The following SH3KBP1 variants were observed in gnomAD, a reference collection of about 807,000 sequenced individuals.
SH3KBP1 encodes SH3 domain containing kinase binding protein 1.
In SH3KBP1, 8 loss-of-function variants were observed where a neutral mutation model predicts 50.1. The ratio of observed to expected loss-of-function variants is 0.16; its 90% CI spans 0.09 to 0.29. SH3KBP1 has a LOEUF of 0.29. Ranked by LOEUF, SH3KBP1 falls within the 10% of genes least tolerant of loss-of-function variation. The pLI is 1.00. For synonymous variants in SH3KBP1, 227 were observed against 218.6 expected (o/e 1.04, Z -0.34); for missense variants, 377 against 535.2 (o/e 0.70, Z 2.92).
intron 5 of SH3KBP1, 121 bp downstream of exon 5, chrX:19,695,491 A>G (rs1038578271): frequency 6.4e-6 from 6 of 941,649 alleles, no homozygotes; most frequent in Non-Finnish European, 8.8e-6. Flanking sequence ...AGTATAACCA[A>G]AAAAATACTC....
chrX:19,565,884 G>A (rs1004927853), intron 13 of SH3KBP1, among the ~76,000 whole-genome samples: 7 of 110,424 alleles, frequency 6.3e-5, no homozygotes, highest in Middle Eastern at 4.3e-3. Flanking sequence ...ACACCCTAAG[G>A]GGACGTTTTA....
At chrX:19,581,759 A>T (rs755246956) in intron 12 of SH3KBP1, among the ~76,000 whole-genome samples, 1 of 109,060 alleles carries the variant, frequency 9.2e-6, no homozygotes. Flanking sequence ...ATGTTTACTT[A>T]ATCTTTGCCT....
intron 9 of SH3KBP1, among the ~76,000 whole-genome samples, chrX:19,596,439 T>TGCCTC (rs1235221115): frequency 1.8e-5 from 2 of 112,149 alleles, no homozygotes; most frequent in African/African-American, 6.5e-5. Flanking sequence ...GGGAGGGTCT[T>TGCCTC]GCCTCAATGT....
chrX:19,573,459 G>A (rs2066105706), intron 12 of SH3KBP1, among the ~76,000 whole-genome samples: 2 of 105,283 alleles, frequency 1.9e-5, no homozygotes. Context: ...GCTAATTTTT[G>A]TATTTTTAGT....
intron 1 of SH3KBP1, among the ~76,000 whole-genome samples, chrX:19,839,336 A>C (rs1237831427): frequency 9.3e-6 from 1 of 107,893 alleles, no homozygotes; most frequent in Non-Finnish European, 1.9e-5. Context: ...AAAAAAAAAC[A>C]AAATTTTTTT....
intron 1 of SH3KBP1, among the ~76,000 whole-genome samples, chrX:19,857,340 C>T (rs1363352718): frequency 9.0e-6 from 1 of 110,533 alleles, no homozygotes. Flanking sequence ...GGCAGGAACA[C>T]ACTAGTTAGA....
chrX:19,676,667 G>A (rs865867477), intron 6 of SH3KBP1, among the ~76,000 whole-genome samples: 27 of 111,510 alleles, frequency 2.4e-4, no homozygotes, highest in Admixed American at 2.3e-3. Context: ...CCTGAGATAC[G>A]TATGAAAATA....
At chrX:19,883,388 C>T (rs1030294197) in intron 1 of SH3KBP1, among the ~76,000 whole-genome samples, 2 of 112,700 alleles carry the variant, frequency 1.8e-5, no homozygotes, top group Non-Finnish European at 3.8e-5. Flanking sequence ...TGCTCTTTCT[C>T]TGTCACTCTC....
At chrX:19,585,061 G>A (rs956251480) in intron 12 of SH3KBP1, among the ~76,000 whole-genome samples, 1 of 112,180 alleles carries the variant, frequency 8.9e-6, no homozygotes, top group Non-Finnish European at 1.9e-5. Flanking sequence ...CCAATATACA[G>A]GTTGGTTGTT....
At chrX:19,817,744 C>T (rs760711961) in intron 2 of SH3KBP1, among the ~76,000 whole-genome samples, 1 of 111,467 alleles carries the variant, frequency 9.0e-6, no homozygotes, top group Non-Finnish European at 1.9e-5. Flanking sequence ...AAGCGATTAT[C>T]GTGCCTCAGC....
chrX:19,647,960 C>G (rs953359634), intron 6 of SH3KBP1: 8 of 358,412 alleles, frequency 2.2e-5, no homozygotes, highest in Admixed American at 5.3e-5. Flanking sequence ...GGGAGGGAGT[C>G]CATTAGTATT....
intron 1 of SH3KBP1, among the ~76,000 whole-genome samples, chrX:19,853,733 C>A (rs1218157260): frequency 9.0e-6 from 1 of 111,059 alleles, no homozygotes; most frequent in African/African-American, 3.3e-5. Context: ...GAGGCCAAGG[C>A]GGGCAGCTCA....
intron 12 of SH3KBP1, among the ~76,000 whole-genome samples, chrX:19,578,409 C>T (rs747942545): frequency 8.9e-6 from 1 of 111,840 alleles, no homozygotes; most frequent in Non-Finnish European, 1.9e-5. Context: ...TCCCTTCCTG[C>T]TCTCCTGGCT....
At chrX:19,548,599 T>C (rs922132049) in intron 14 of SH3KBP1, among the ~76,000 whole-genome samples, 3 of 111,063 alleles carry the variant, frequency 2.7e-5, no homozygotes, top group African/African-American at 9.8e-5. Context: ...AGAGGAAAAA[T>C]AGGATGACTC....
At chrX:19,824,540 T>C (rs900582486) in intron 2 of SH3KBP1, among the ~76,000 whole-genome samples, 46 of 111,591 alleles carry the variant, frequency 4.1e-4, no homozygotes, top group Admixed American at 2.1e-3. Flanking sequence ...CACACTGACA[T>C]GGAGTCGCTG....
intron 17 of SH3KBP1, among the ~76,000 whole-genome samples, chrX:19,537,507 T>A (rs966637469): frequency 9.1e-6 from 1 of 110,437 alleles, no homozygotes; most frequent in Non-Finnish European, 1.9e-5. Context: ...GAAACCCAAT[T>A]TGGGGCACAT....
intron 2 of SH3KBP1, among the ~76,000 whole-genome samples, chrX:19,827,157 G>A (rs984065438): frequency 2.7e-5 from 3 of 111,738 alleles, no homozygotes; most frequent in East Asian, 5.6e-4. Context: ...CTGAGGCCAC[G>A]GCAAGTGAGC....
At chrX:19,778,525 G>T (rs1033860435) in intron 2 of SH3KBP1, among the ~76,000 whole-genome samples, 3 of 110,405 alleles carry the variant, frequency 2.7e-5, no homozygotes, top group Non-Finnish European at 5.7e-5. Context: ...TAAGGAGCCT[G>T]GCAATCGGGC....
intron 11 of SH3KBP1, among the ~76,000 whole-genome samples, chrX:19,590,108 C>CT (rs1365756097): frequency 9.0e-6 from 1 of 110,915 alleles, no homozygotes; most frequent in Non-Finnish European, 1.9e-5. Context: ...GACCCTGTCT[C>CT]TAAAAAAATA....
Sources: gnomAD v4.1 joint callset for allele counts (sites outside exome capture counted in the v4.1 genomes callset) on GRCh38, gnomAD v4.1.1 for gene constraint, MANE v1.5 for transcripts, NCBI Gene and HGNC (gene_info 2026-07-23, HGNC 2026-07-21) for gene names.